COPA: variants seen among roughly 807,000 people sequenced by gnomAD.
COPA encodes the protein coat protein complex I subunit alpha.
In COPA, 10 loss-of-function variants were observed where a neutral mutation model predicts 158.7. The ratio of observed to expected loss-of-function variants is 0.06; its 90% CI spans 0.04 to 0.11. COPA has a LOEUF of 0.11. Among genes scored for constraint, COPA ranks in the 10% least tolerant of loss-of-function variants. The pLI is 1.00. For synonymous variants in COPA, 462 were observed against 542.8 expected (o/e 0.85, Z 2.07); for missense variants, 1,065 against 1,536.7 (o/e 0.69, Z 5.13).
Position 160,292,502 on chromosome 1 carries a change from C to T in COPA, c.2942G>A (p.Gly981Asp), listed in dbSNP as rs1166608037. Residue 981 changes from glycine (G) to aspartate (D), a missense_variant, in exon 28 of 33, where the codon GGC becomes GAC. By Grantham distance (94) the Gly-to-Asp change is moderately conservative. Around this residue, in one of 2 missense-constraint regions of COPA, gnomAD observed 980 missense variants for 1,357.8 expected, o/e 0.72. Transcript: ENST00000241704. ...QALPCLPSMY[G>D]YPNRNWKDAG... ...GCCTTACCAGTTGCGATTAGGATAG[C>T]CATACATGGAGGGTAGGCAGGGCAG... is the stretch of plus-strand genomic sequence containing the variant. The T allele has an allele frequency of 6.2e-7, 1 of 1,613,678 alleles. No homozygotes were observed. Among genetic ancestry groups the T allele is most frequent in the Non-Finnish European group, 8.5e-7 (1 of 1,179,872 alleles).
chr1:160,292,583 G>A lies in COPA; in HGVS notation c.2861C>T (p.Pro954Leu). 1 of 1,613,528 alleles carries A rather than the reference G, an allele frequency of 6.2e-7. No homozygotes were observed. Among genetic ancestry groups the A allele is most frequent in the Non-Finnish European group, 8.5e-7 (1 of 1,179,840 alleles). ...TGTCTGTAGGAACAGTTGCTTGTAG[G>A]GGCCAAACTGGATTACCCCTACTTG... is the stretch of plus-strand genomic sequence containing the variant. ...HDQVGVIQFG[P>L]YKQLFLQTYA... is the part of the protein sequence containing the mutation. The change falls in exon 28 of 33, where the codon CCC becomes CTC. Residue 954 changes from proline (P) to leucine (L), a missense_variant. Physicochemically the swap from Pro to Leu is moderately conservative, Grantham distance 98. This residue lies in a region of COPA where 980 missense variants were observed against 1,357.8 expected (regional missense o/e 0.72). Transcript: ENST00000241704.
chr1:160,338,066 A>G (rs1189540040), intron 3 of COPA, among the ~76,000 whole-genome samples: 1 of 152,232 alleles, frequency 6.6e-6, no homozygotes, highest in Non-Finnish European at 1.5e-5. Flanking sequence ...TGGACATTTC[A>G]TAAGTGGAAG....
intron 5 of COPA, among the ~76,000 whole-genome samples, chr1:160,333,255 T>G (rs1647613540): frequency 6.6e-6 from 1 of 152,212 alleles, no homozygotes. Context: ...CCCTAACTCT[T>G]CATGGAAAGT....
At chr1:160,320,624 A>AAAAG (rs1659301088) in intron 8 of COPA, among the ~76,000 whole-genome samples, 1 of 149,654 alleles carries the variant, frequency 6.7e-6, no homozygotes, top group South Asian at 2.1e-4. Context: ...AAAAAAAAAA[A>AAAAG]AAAAAAAAGA....
At chr1:160,291,198 C>G (rs1370203311) in intron 31 of COPA, 137 bp downstream of exon 31, 8 of 970,822 alleles carry the variant, frequency 8.2e-6, no homozygotes, top group Non-Finnish European at 1.2e-5. Context: ...AGGAAGTAAA[C>G]AGAGGGTAGC....
chr1:160,336,274 A>G (rs994727261), intron 3 of COPA, among the ~76,000 whole-genome samples: 1 of 151,554 alleles, frequency 6.6e-6, no homozygotes, highest in Non-Finnish European at 1.5e-5. Flanking sequence ...CGGCGTTTGC[A>G]GTGAGTTGAG....
Position 160,340,288 on chromosome 1 carries a change from C to A in COPA, c.47G>T (p.Ser16Ile). The change falls in exon 2 of 33, where the codon AGC becomes ATC. Residue 16 changes from serine to isoleucine, a missense_variant. Ser to Ile is a moderately radical substitution (Grantham distance 142, BLOSUM62 -2). Coordinates refer to ENST00000241704, the MANE Select transcript of COPA (RefSeq NM_004371.4). ...ETKSARVKGL[S>I]FHPKRPWILT... Reference sequence around the variant, plus strand: ...GATCCAAGGTCTTTTGGGGTGAAAGCTGAGCCCTGAAAAAAATAGAAAATG... The same window carrying A: ...GATCCAAGGTCTTTTGGGGTGAAAGATGAGCCCTGAAAAAAATAGAAAATG... 6.2e-7 allele frequency: 1 copy of A among 1,610,658 alleles called. No individual in the cohort carries two copies. Among genetic ancestry groups the A allele is most frequent in the South Asian group, 1.1e-5 (1 of 90,958 alleles).
chr1:160,298,360 T>C (rs1365853931), intron 19 of COPA, among the ~76,000 whole-genome samples: 2 of 152,108 alleles, frequency 1.3e-5, no homozygotes, highest in African/African-American at 4.8e-5. Context: ...CTACCTTACT[T>C]CCCACCTGCC....
In COPA at chr1:160,305,566, C is replaced by T. The variant is rs748475372; in HGVS notation, c.1534G>A (p.Val512Met). 5 of 1,614,088 alleles carry T rather than the reference C, an allele frequency of 3.1e-6. No individual in the cohort carries two copies. The highest frequency in any genetic ancestry group is 4.2e-6 in the Non-Finnish European group (5 of 1,180,010). ...HVALLAKHAIVICNRKLDALC... is the reference protein window; with the variant it reads ...HVALLAKHAIMICNRKLDALC... Reference sequence around the variant, plus strand: ...GCATCCAGTTTGCGGTTACAGATCACAATGGCTGTAAGAGGCAAAGGGCAT... The same window carrying T: ...GCATCCAGTTTGCGGTTACAGATCATAATGGCTGTAAGAGGCAAAGGGCAT... The change falls in exon 17 of 33, where the codon GTG becomes ATG. Residue 512 changes from valine (V) to methionine (M), a missense_variant. Transcript: ENST00000241704.
chr1:160,292,350 G>A lies in COPA; in HGVS notation c.2960+134C>T, dbSNP rs1019813678. On this transcript the variant is annotated intron_variant, in intron 28 of 32. Transcript: ENST00000241704. ...ACAGCAGGTGTAAACCAACCCCATA[G>A]AGTAACAAACCAAAGATCTTTTTCT... 8 of 1,570,268 alleles carry A rather than the reference G, an allele frequency of 5.1e-6. No individual in the cohort carries two copies. The Admixed American group carries it at 1.2e-4, about 24-fold the overall frequency.
chr1:160,323,258 A>T (rs1462760294), intron 8 of COPA, among the ~76,000 whole-genome samples, 173 bp downstream of exon 8: 3 of 152,316 alleles, frequency 2.0e-5, no homozygotes, highest in South Asian at 4.1e-4. Flanking sequence ...CTGTACACAT[A>T]AAAATTGTAA....
chr1:160,294,104 A>T (rs534241756), intron 25 of COPA, among the ~76,000 whole-genome samples: 2 of 152,322 alleles, frequency 1.3e-5, no homozygotes, highest in South Asian at 4.1e-4. Context: ...GGAGCATATC[A>T]GGATAGATGG....
At position 160,293,780 on chromosome 1, in the gene COPA, G is replaced by T. The variant is rs117456722; in HGVS notation, c.2677-317C>A. ...CAAAGTGCTAGCATTACAGGCGTGA[G>T]CCACTGTGCCCAGCCAAATTGAGTA... On this transcript the variant is annotated intron_variant, in intron 25 of 32. Coordinates refer to ENST00000241704, the MANE Select transcript of COPA (RefSeq NM_004371.4). 1.8e-3 allele frequency among the ~76,000 whole-genome samples: 275 copies of T among 152,242 alleles called. 4 individuals carry two copies. The East Asian group carries it at 0.027, about 15-fold the overall frequency.
chr1:160,320,608 CAAAAA>C (rs56849348), intron 8 of COPA, among the ~76,000 whole-genome samples: 3 of 15,502 alleles, frequency 1.9e-4, no homozygotes, highest in African/African-American at 9.3e-4. Context: ...GACTCCAACT[CAAAAA>C]AAAAAAAAAA....
At chr1:160,310,141 G>A (rs550477145) in intron 12 of COPA, 51 bp downstream of exon 12, 211 of 1,172,942 alleles carry the variant, frequency 1.8e-4, no homozygotes, top group Non-Finnish European at 2.4e-4. Context: ...GCATAAGAAA[G>A]AGACCTATGG....
Position 160,294,865 on chromosome 1 carries a change from G to A in COPA, c.2477-8C>T. 6.2e-7 allele frequency: 1 copy of A among 1,613,424 alleles called. No homozygotes were observed. The highest frequency in any genetic ancestry group is 8.5e-7 in the Non-Finnish European group (1 of 1,179,362). On this transcript the variant is annotated splice_polypyrimidine_tract_variant and splice_region_variant and intron_variant, in intron 23 of 32. Coordinates refer to ENST00000241704, the MANE Select transcript of COPA (RefSeq NM_004371.4). ...CCAGTGCTCCTCCCTTCCCTACAGAGGGAAGGAACAGAACGGAACTGGTTA... is the reference window on the plus strand; with the variant it reads ...CCAGTGCTCCTCCCTTCCCTACAGAAGGAAGGAACAGAACGGAACTGGTTA...
At chr1:160,306,741 G>T (rs919872249) in intron 14 of COPA, among the ~76,000 whole-genome samples, 1 of 152,138 alleles carries the variant, frequency 6.6e-6, no homozygotes, top group Non-Finnish European at 1.5e-5. Flanking sequence ...ATTTCTCAAT[G>T]AATGAGAGAG....
chr1:160,336,259 G>A (rs1647754970), intron 3 of COPA, among the ~76,000 whole-genome samples: 1 of 151,960 alleles, frequency 6.6e-6, no homozygotes, highest in Non-Finnish European at 1.5e-5. Context: ...CTTGAACCTG[G>A]GAGGCGGCGT....
At chr1:160,340,078 A>G in intron 2 of COPA, 96 bp from the exon 3 acceptor site, 1 of 1,507,038 alleles carries the variant, frequency 6.6e-7, no homozygotes, top group African/African-American at 1.4e-5. Flanking sequence ...TATCATTTCC[A>G]CATTCTTTAA....
Sources: gnomAD v4.1 joint callset for allele counts (sites outside exome capture counted in the v4.1 genomes callset) on GRCh38, gnomAD v4.1.1 for gene constraint, gnomAD v4.1.1 regional missense constraint, MANE v1.5 for transcripts, NCBI Gene and HGNC (gene_info 2026-07-23, HGNC 2026-07-21) for gene names.